The following PIEZO2 variants were observed in gnomAD, a reference collection of about 807,000 sequenced individuals.
The protein encoded by PIEZO2 is piezo-type mechanosensitive ion channel component 2.
A neutral mutation model predicts 337.3 loss-of-function variants in PIEZO2; 172 were observed. The observed-to-expected ratio is 0.51, with a 90% CI of 0.45 to 0.58. The LOEUF (loss-of-function observed/expected upper bound fraction) is 0.58. Among genes scored for constraint, PIEZO2 ranks in the 20% least tolerant of loss-of-function variants. The pLI is 0.00. For synonymous variants in PIEZO2, 1,251 were observed against 1,228.5 expected, an observed-to-expected ratio of 1.02 and a Z score of -0.38; for missense variants, 3,028 against 3,391.3, an observed-to-expected ratio of 0.89 and a Z score of 2.66.
intron 23 of PIEZO2, among the ~76,000 whole-genome samples, chr18:10,761,991 T>A (rs1300516347): frequency 1.3e-5 from 2 of 152,258 alleles, no homozygotes; most frequent in African/African-American, 4.8e-5. Context: ...TACTTCTAGA[T>A]GTAGTAGATT....
chr18:10,822,737 G>A (rs1362690629), intron 7 of PIEZO2, among the ~76,000 whole-genome samples: 1 of 152,188 alleles, frequency 6.6e-6, no homozygotes, highest in East Asian at 1.9e-4. Context: ...GCAATTTTGT[G>A]AACGCGTTGG....
rs2039334431 is a variant in PIEZO2, at chr18:10,789,308, T to C, written c.1940A>G (p.Glu647Gly). 4 of 1,537,208 alleles carry C rather than the reference T, an allele frequency of 2.6e-6. No homozygotes were observed. The Admixed American group carries it at 7.8e-5, about 30-fold the overall frequency. The change falls in exon 15 of 56, where the codon GAA (glutamate) becomes GGA (glycine). Residue 647 changes from glutamate to glycine, a missense_variant. Transcript: ENST00000674853. ...TCTCTCTTGCTTCTCTTCCTTCGCT[T>C]CCTCTTCTTCCTCCTCTTTGGGCTC... is the stretch of plus-strand genomic sequence containing the variant. ...EGEPKEEEEEEAKEEKQERKK... is the reference protein window; with the variant it reads ...EGEPKEEEEEGAKEEKQERKK...
chr18:10,949,850 A>G (rs2033207576), intron 3 of PIEZO2, among the ~76,000 whole-genome samples: 1 of 152,178 alleles, frequency 6.6e-6, no homozygotes, highest in Admixed American at 6.5e-5. Flanking sequence ...ATCCTCCACA[A>G]TGACTGTCAC....
At chr18:11,074,657 A>G (rs1461072393) in intron 1 of PIEZO2, among the ~76,000 whole-genome samples, 2 of 152,218 alleles carry the variant, frequency 1.3e-5, no homozygotes, top group South Asian at 2.1e-4. Flanking sequence ...AAAAAACTCA[A>G]GAAGTAGGAA....
chr18:10,987,047 G>T (rs1329150306), intron 2 of PIEZO2, among the ~76,000 whole-genome samples: 1 of 151,908 alleles, frequency 6.6e-6, no homozygotes, highest in East Asian at 1.9e-4. Context: ...ATTGTTGAAA[G>T]AAATTAAAAC....
chr18:10,829,546 G>C (rs1215202543), intron 7 of PIEZO2, among the ~76,000 whole-genome samples: 2 of 152,046 alleles, frequency 1.3e-5, no homozygotes, highest in Non-Finnish European at 2.9e-5. Context: ...CTTATATTTG[G>C]AAAAACCTAA....
At chr18:10,900,277 T>C (rs1278762546) in intron 4 of PIEZO2, among the ~76,000 whole-genome samples, 1 of 151,992 alleles carries the variant, frequency 6.6e-6, no homozygotes, top group African/African-American at 2.4e-5. Flanking sequence ...GTGTTTCAAG[T>C]ACACACAAGA....
At chr18:10,715,938 C>T in intron 37 of PIEZO2, 122 bp from the exon 38 acceptor site, 1 of 757,518 alleles carries the variant, frequency 1.3e-6, no homozygotes. Context: ...TCTAATAAGG[C>T]ATGTGACTCA....
rs573237041 is a variant in PIEZO2, at chr18:11,100,708, G to A, written c.65-34486C>T. Among the ~76,000 whole-genome samples the A allele has an allele frequency of 1.2e-4, 19 of 152,210 alleles. No homozygotes were observed. In the South Asian group the frequency reaches 3.9e-3, roughly 32 times the overall value. Reference sequence around the variant, plus strand: ...CCTCCCGGGTTCACGCCATTCTCCTGCCTCAGCCTCCCAAGTAGCTGGGAC... The same window carrying A: ...CCTCCCGGGTTCACGCCATTCTCCTACCTCAGCCTCCCAAGTAGCTGGGAC... On this transcript the variant is annotated intron_variant, in intron 1 of 55. Coordinates refer to ENST00000674853, the MANE Select transcript of PIEZO2 (RefSeq NM_001378183.1).
intron 9 of PIEZO2, among the ~76,000 whole-genome samples, chr18:10,803,617 A>T (rs561570997): frequency 6.6e-6 from 1 of 152,328 alleles, no homozygotes; most frequent in Admixed American, 6.5e-5. Context: ...TTATTTTTTA[A>T]TAGGAACATT....
intron 3 of PIEZO2, among the ~76,000 whole-genome samples, chr18:10,923,880 G>T (rs1472526550): frequency 6.6e-6 from 1 of 152,172 alleles, no homozygotes; most frequent in Non-Finnish European, 1.5e-5. Context: ...ATTGGGACAC[G>T]TGCTGTAGTT....
chr18:11,103,053 G>T (rs924986149), intron 1 of PIEZO2, among the ~76,000 whole-genome samples: 1 of 152,130 alleles, frequency 6.6e-6, no homozygotes, highest in Non-Finnish European at 1.5e-5. Flanking sequence ...AAATATTTGT[G>T]GAGGGGTTTG....
chr18:11,114,912 C>A (rs1212792117), intron 1 of PIEZO2, among the ~76,000 whole-genome samples: 1 of 152,118 alleles, frequency 6.6e-6, no homozygotes, highest in Non-Finnish European at 1.5e-5. Context: ...AGATAACTAA[C>A]AACAGAGGAG....
At position 10,980,043 on chromosome 18, in the gene PIEZO2, C is replaced by T. The variant is rs1390484302; in HGVS notation, c.161-383G>A. ...GAAGTACAAAAGGAAGAAAAGTTAT[C>T]TAAAACATTTTATGAAGTCACAATA... On this transcript the variant is annotated intron_variant, in intron 2 of 55. Coordinates refer to ENST00000674853, the MANE Select transcript of PIEZO2 (RefSeq NM_001378183.1). This position sits in a 1 kb window ranked among gnomAD's most constrained non-coding sequence, Gnocchi z 4.8. 6.6e-6 allele frequency among the ~76,000 whole-genome samples: 1 copy of T among 152,048 alleles called. No homozygotes were observed. The highest frequency in any genetic ancestry group is 1.9e-4 in the East Asian group (1 of 5,192).
At chr18:11,015,866 C>T (rs2036101706) in intron 2 of PIEZO2, among the ~76,000 whole-genome samples, 1 of 152,260 alleles carries the variant, frequency 6.6e-6, no homozygotes, top group Non-Finnish European at 1.5e-5. Context: ...AAACTGTTCA[C>T]ATGCACACAT....
Position 10,783,379 on chromosome 18 carries a change from C to A in PIEZO2, c.2492+1405G>T, listed in dbSNP as rs2039101395. On this transcript the variant is annotated intron_variant, in intron 17 of 55. Coordinates refer to ENST00000674853, the MANE Select transcript of PIEZO2 (RefSeq NM_001378183.1). The surrounding 1 kb of genome is among the most constrained non-coding windows in gnomAD (Gnocchi z 4.3). ...ATGTCAAAATAATGATTAAAAAAATCCTTTTTCTGATTATTGACAATTCTC... is the reference window on the plus strand; with the variant it reads ...ATGTCAAAATAATGATTAAAAAAATACTTTTTCTGATTATTGACAATTCTC... 6.6e-6 allele frequency among the ~76,000 whole-genome samples: 1 copy of A among 152,114 alleles called. No individual in the cohort carries two copies. The highest frequency in any genetic ancestry group is 2.4e-5 in the African/African-American group (1 of 41,414).
chr18:10,695,953 G>C lies in PIEZO2; in HGVS notation c.7190+121C>G, dbSNP rs193245514. The C allele has an allele frequency of 6.1e-4, 568 of 932,082 alleles. 5 individuals are homozygous for C. The African/African-American group carries it at 8.4e-3, about 14-fold the overall frequency. The allele number at this position is 932,082 out of a possible 1,614,324, so 57.7% of individuals were successfully genotyped here. A position where few individuals can be genotyped will look rare whatever the true frequency, so the allele number is the denominator to read the frequency against. ...ACCTTTAGCTCTTCCTACCCGTGGTGCTGCTGTGCCAAGGCTCTGCCTGTG... is the reference window on the plus strand; with the variant it reads ...ACCTTTAGCTCTTCCTACCCGTGGTCCTGCTGTGCCAAGGCTCTGCCTGTG... On this transcript the variant is annotated intron_variant, in intron 47 of 55. Coordinates refer to ENST00000674853, the MANE Select transcript of PIEZO2 (RefSeq NM_001378183.1).
Position 11,023,270 on chromosome 18 carries a change from C to A in PIEZO2, c.160+42857G>T, listed in dbSNP as rs997864602. The stretch of plus-strand genomic sequence containing the variant: ...GCTGATTGCTCCATTTTACAGAGAG[C>A]CGAGTGGTCTGTTTTGACAGGGTGC... On this transcript the variant is annotated intron_variant, in intron 2 of 55. Transcript: ENST00000674853. Among the ~76,000 whole-genome samples the A allele has an allele frequency of 3.9e-5, 6 of 152,228 alleles. No individual in the cohort carries two copies. In the South Asian group the frequency reaches 1.0e-3, roughly 26 times the overall value.
In PIEZO2 at chr18:11,078,413, ATTTC is replaced by A. The variant is rs2038626348; in HGVS notation, c.65-12195_65-12192del. 6.6e-6 allele frequency among the ~76,000 whole-genome samples: 1 copy of A among 152,196 alleles called. No homozygotes were observed. Among genetic ancestry groups the A allele is most frequent in the Admixed American group, 6.5e-5 (1 of 15,276 alleles). ...ATTCAACTAACTATAATGCAGTCCT[ATTTC>A]TTCTATCTCCAGCACATGATGCGAC... On this transcript the variant is annotated intron_variant, in intron 1 of 55. Coordinates refer to ENST00000674853, the MANE Select transcript of PIEZO2 (RefSeq NM_001378183.1). This position sits in a 1 kb window ranked among gnomAD's most constrained non-coding sequence, Gnocchi z 5.3.
Sources: allele counts gnomAD v4.1 joint callset (sites outside exome capture counted in the v4.1 genomes callset), GRCh38; gene constraint gnomAD v4.1.1; non-coding constraint Gnocchi (gnomAD v3.1); transcripts MANE v1.5; gene names NCBI Gene and HGNC (gene_info 2026-07-23, HGNC 2026-07-21).